GPC6: variants seen among roughly 807,000 people sequenced by gnomAD.
The protein encoded by GPC6 is glypican-6.
In GPC6, 14 loss-of-function variants were observed where a neutral mutation model predicts 55.2. That is an observed-to-expected ratio of 0.25 (90% CI 0.17 to 0.40). The LOEUF (loss-of-function observed/expected upper bound fraction) is 0.40, where lower values mean the gene tolerates loss of function less well. Among genes scored for constraint, GPC6 ranks in the 10% least tolerant of loss-of-function variants. The pLI is 1.00. For missense variants in GPC6, 641 were observed against 708.5 expected, an observed-to-expected ratio of 0.90 and a Z score of 1.08; for synonymous variants, 278 against 259.6, an observed-to-expected ratio of 1.07 and a Z score of -0.68.
At position 94,308,725 on chromosome 13, in the gene GPC6, A is replaced by G. The variant is rs188347444; in HGVS notation, c.1152+2602A>G. On this transcript the variant is annotated intron_variant, in intron 6 of 8. Transcript: ENST00000377047. ...CAAATGGTAAGAATTAGTGACGTGT[A>G]ATGCACAGCCAGCCATAAGCCCACT... Among the ~76,000 whole-genome samples, 888 of 152,352 alleles carry G rather than the reference A, an allele frequency of 5.8e-3. 3 individuals carry two copies. The highest frequency in any genetic ancestry group is 9.6e-3 in the Non-Finnish European group (654 of 68,032).
intron 3 of GPC6, among the ~76,000 whole-genome samples, chr13:93,998,651 ACT>A (rs1314176887): frequency 6.6e-6 from 1 of 152,106 alleles, no homozygotes; most frequent in Non-Finnish European, 1.5e-5. Context: ...CTATTGTATA[ACT>A]CTAGCTAGAC....
At chr13:93,655,084 C>A (rs964010891) in intron 2 of GPC6, among the ~76,000 whole-genome samples, 1 of 146,318 alleles carries the variant, frequency 6.8e-6, no homozygotes, top group Non-Finnish European at 1.5e-5. Context: ...CTCCTCGCCT[C>A]GTGATCCACC....
chr13:93,941,891 A>G (rs1258319741), intron 3 of GPC6, among the ~76,000 whole-genome samples: 6 of 152,212 alleles, frequency 3.9e-5, no homozygotes, highest in African/African-American at 1.4e-4. Context: ...TTTAAAATAT[A>G]CGTAACTTTC....
In GPC6 at chr13:94,101,643, A is replaced by G. The variant is rs577137025; in HGVS notation, c.877+73749A>G. On this transcript the variant is annotated intron_variant, in intron 4 of 8. Transcript: ENST00000377047. Reference sequence around the variant, plus strand: ...CAACTGTGTTTTGAATAATGCAGGGAAAGAATGCTTCCTCCATTTTGAACT... The same window carrying G: ...CAACTGTGTTTTGAATAATGCAGGGGAAGAATGCTTCCTCCATTTTGAACT... Among the ~76,000 whole-genome samples the G allele has an allele frequency of 6.4e-4, 97 of 152,324 alleles. 1 individual carries two copies. The South Asian group carries it at 0.018, about 28-fold the overall frequency.
intron 5 of GPC6, among the ~76,000 whole-genome samples, chr13:94,290,323 A>T (rs1874885461): frequency 6.7e-6 from 1 of 149,276 alleles, no homozygotes; most frequent in Admixed American, 6.7e-5. Context: ...TGGGAGACGG[A>T]GGTAGAAGGT....
intron 1 of GPC6, among the ~76,000 whole-genome samples, chr13:93,340,715 C>T (rs1314058841): frequency 1.3e-5 from 2 of 152,104 alleles, no homozygotes; most frequent in South Asian, 2.1e-4. Flanking sequence ...GGTTGGAGGC[C>T]TATAGGCCTC....
chr13:93,485,754 A>G (rs1363733527), intron 1 of GPC6, among the ~76,000 whole-genome samples: 1 of 152,188 alleles, frequency 6.6e-6, no homozygotes, highest in Non-Finnish European at 1.5e-5. Context: ...GGTGGGGTAC[A>G]GTAATGGTTA....
chr13:93,967,953 G>T (rs1288208941), intron 3 of GPC6, among the ~76,000 whole-genome samples: 1 of 152,014 alleles, frequency 6.6e-6, no homozygotes, highest in Admixed American at 6.6e-5. Context: ...TAATCCCGTG[G>T]GCATTGACTC....
rs71811304 is a variant in GPC6, at chr13:93,726,103, TACACACACAC to T, written c.320-104011_320-104002del. Among the ~76,000 whole-genome samples the T allele has an allele frequency of 5.6e-3, 710 of 126,844 alleles. 9 individuals are homozygous for T. Among genetic ancestry groups the T allele is most frequent in the African/African-American group, 0.017 (560 of 33,318 alleles). 83.2% of individuals were successfully genotyped at this position (126,844 alleles called of 152,430 possible). On this transcript the variant is annotated intron_variant, in intron 2 of 8. Coordinates refer to ENST00000377047, the MANE Select transcript of GPC6 (RefSeq NM_005708.5). ...TGCAAAATAAAGACTTTTTCCTTCA[TACACACACAC>T]ACACACACACACACACACACACACA... is the stretch of plus-strand genomic sequence containing the variant.
chr13:93,723,224 A>G (rs1357765327), intron 2 of GPC6, among the ~76,000 whole-genome samples: 2 of 151,910 alleles, frequency 1.3e-5, no homozygotes, highest in African/African-American at 4.8e-5. Context: ...TACAGGTTTT[A>G]CTGATGAAGA....
chr13:94,001,935 C>T (rs1377709617), intron 3 of GPC6, among the ~76,000 whole-genome samples: 2 of 151,984 alleles, frequency 1.3e-5, no homozygotes, highest in African/African-American at 4.8e-5. Flanking sequence ...TGGAAAAGTG[C>T]TGGAGAAGAT....
rs186315363 is a variant in GPC6, at chr13:94,044,215, C to T, written c.877+16321C>T. 1.1e-4 allele frequency among the ~76,000 whole-genome samples: 16 copies of T among 151,922 alleles called. 1 individual carries two copies. The highest frequency in any genetic ancestry group is 6.6e-4 in the Admixed American group (10 of 15,214). ...TTATCTTTCCTGTACTTCTTTTGCA[C>T]GTATAAGTAGATATGTGTGTATTTG... On this transcript the variant is annotated intron_variant, in intron 4 of 8. Transcript: ENST00000377047.
intron 3 of GPC6, among the ~76,000 whole-genome samples, chr13:93,908,086 G>T (rs987981511): frequency 2.0e-5 from 3 of 152,094 alleles, no homozygotes; most frequent in African/African-American, 7.2e-5. Flanking sequence ...TAAAAAAGGA[G>T]AGAGAGAGAG....
At chr13:93,435,172 T>C (rs2139280172) in intron 1 of GPC6, among the ~76,000 whole-genome samples, 1 of 152,316 alleles carries the variant, frequency 6.6e-6, no homozygotes, top group South Asian at 2.1e-4. Context: ...TGGAGTGCAG[T>C]GGTGCAGCCA....
chr13:93,958,791 T>A (rs1430196679), intron 3 of GPC6, among the ~76,000 whole-genome samples: 1 of 152,218 alleles, frequency 6.6e-6, no homozygotes, highest in Non-Finnish European at 1.5e-5. Flanking sequence ...GCCATTTTCA[T>A]GATATTGATT....
intron 6 of GPC6, among the ~76,000 whole-genome samples, chr13:94,357,775 A>G (rs990316186): frequency 1.3e-5 from 2 of 152,174 alleles, no homozygotes; most frequent in African/African-American, 4.8e-5. Context: ...TTGAAAATAC[A>G]TACTCTACAC....
chr13:93,235,260 G>A (rs964372204), intron 1 of GPC6, among the ~76,000 whole-genome samples: 5 of 152,142 alleles, frequency 3.3e-5, no homozygotes, highest in African/African-American at 1.2e-4. Flanking sequence ...AGGCAGTTAG[G>A]GAGTAATTAA....
intron 1 of GPC6, among the ~76,000 whole-genome samples, chr13:93,428,786 C>T (rs1393337330): frequency 6.6e-6 from 1 of 152,112 alleles, no homozygotes; most frequent in African/African-American, 2.4e-5. Flanking sequence ...CCCTATACCT[C>T]ATACAGTTTT....
At chr13:93,930,404 T>A (rs188016052) in intron 3 of GPC6, among the ~76,000 whole-genome samples, 1 of 151,752 alleles carries the variant, frequency 6.6e-6, no homozygotes, top group East Asian at 2.0e-4. Context: ...CCCGAGTAGC[T>A]GGGACTACAG....
Sources: allele counts gnomAD v4.1 joint callset (sites outside exome capture counted in the v4.1 genomes callset), GRCh38; gene constraint gnomAD v4.1.1; transcripts MANE v1.5; gene names NCBI Gene and HGNC (gene_info 2026-07-23, HGNC 2026-07-21).